LAD1: variants seen among roughly 807,000 people sequenced by gnomAD.
LAD1 encodes the protein ladinin 1.
In LAD1, 53 loss-of-function variants were observed where a neutral mutation model predicts 54.2. That is an observed-to-expected ratio of 0.98 (90% CI 0.78 to 1.23). The LOEUF is 1.23. LAD1 is among the 50% of genes most tolerant of loss of function. LAD1 has a pLI of 0.00. For synonymous variants in LAD1, 231 were observed against 257.7 expected (o/e 0.90, Z 0.99); for missense variants, 637 against 653.3 (o/e 0.98, Z 0.27).
intron 7 of LAD1, 104 bp downstream of exon 7, chr1:201,382,970 T>C: frequency 7.3e-7 from 1 of 1,361,328 alleles, no homozygotes; most frequent in Non-Finnish European, 1.0e-6. Context: ...CAACATTAAT[T>C]GACACATGAA....
chr1:201,386,620 C>T lies in LAD1; in HGVS notation c.741G>A (p.Met247Ile). The T allele has an allele frequency of 6.2e-7, 1 of 1,614,176 alleles. No homozygotes were observed. The change falls in exon 3 of 10, where the codon ATG becomes ATA. Residue 247 changes from methionine to isoleucine, a missense_variant. Physicochemically the swap from Met to Ile is conservative, Grantham distance 10. Coordinates refer to ENST00000391967, the MANE Select transcript of LAD1 (RefSeq NM_005558.4). ...SVSEKSLAPG[M>I]ALGSGRRLVS... ...CCAGCCTCCTTCCTGAGCCCAGTGCCATCCCTGGGGCCAGCGACTTCTCAG... is the reference window on the plus strand; with the variant it reads ...CCAGCCTCCTTCCTGAGCCCAGTGCTATCCCTGGGGCCAGCGACTTCTCAG...
intron 7 of LAD1, 98 bp from the exon 8 acceptor site, chr1:201,382,837 C>T (rs2102354519): frequency 3.0e-6 from 3 of 1,012,548 alleles, no homozygotes; most frequent in South Asian, 2.9e-5. Flanking sequence ...CCTCACTCCC[C>T]TATGCATCCA....
intron 2 of LAD1, among the ~76,000 whole-genome samples, chr1:201,388,932 G>A (rs915515389): frequency 6.6e-5 from 10 of 152,224 alleles, no homozygotes; most frequent in African/African-American, 2.4e-4. Context: ...AAAATGTCCA[G>A]CACAGTATTG....
At chr1:201,398,207 T>C (rs574828976) in intron 1 of LAD1, among the ~76,000 whole-genome samples, 66 of 152,194 alleles carry the variant, frequency 4.3e-4, no homozygotes, top group Non-Finnish European at 6.6e-4. Flanking sequence ...GTAGAGGACA[T>C]ACTAGAGCAC....
At chr1:201,393,665 G>C (rs931555403) in intron 1 of LAD1, among the ~76,000 whole-genome samples, 2 of 150,428 alleles carry the variant, frequency 1.3e-5, no homozygotes, top group Non-Finnish European at 2.9e-5. Context: ...AAAATGGCTA[G>C]AATCCAGGAG....
intron 4 of LAD1, 70 bp from the exon 5 acceptor site, chr1:201,384,905 G>A: frequency 6.8e-7 from 1 of 1,476,840 alleles, no homozygotes; most frequent in Non-Finnish European, 9.4e-7. Context: ...CGAGTGAGGA[G>A]CCCAGCTCTC....
rs1421431270 is a variant in LAD1 at position 201,383,092 on chromosome 1, T to C, written c.1368A>G (p.Glu456=). 6.2e-7 allele frequency: 1 copy of C among 1,613,542 alleles called. No homozygotes were observed. The highest frequency in any genetic ancestry group is 1.7e-5 in the Admixed American group (1 of 59,988). The part of the protein sequence containing the change: ...EKELAGQSRA[E]PASSRKENLR... The stretch of plus-strand genomic sequence containing the variant: ...CCCTCACCTTCCGGCTGGAGGCTGG[T>C]TCTGCTCGGCTCTGGCCCGCCAGTT... Residue 456 remains glutamate (E), a synonymous_variant, in exon 7 of 10, where the codon GAA becomes GAG. Transcript: ENST00000391967.
Position 201,387,054 on chromosome 1 carries a change from C to G in LAD1, c.307G>C (p.Glu103Gln). 2 of 1,612,262 alleles carry G rather than the reference C, an allele frequency of 1.2e-6. No homozygotes were observed. Among genetic ancestry groups the G allele is most frequent in the Non-Finnish European group, 1.7e-6 (2 of 1,179,292 alleles). ...QERRQRRQVV[E>Q]AAQAPIQERL... ...TCCTGGATGGGGGCCTGTGCAGCCTCCACCACCTGCCGCCTCTGCCTCCGC... is the reference window on the plus strand; with the variant it reads ...TCCTGGATGGGGGCCTGTGCAGCCTGCACCACCTGCCGCCTCTGCCTCCGC... The change falls in exon 3 of 10, where the codon GAG becomes CAG. Residue 103 changes from glutamate to glutamine, a missense_variant. Glu to Gln is a conservative substitution (Grantham distance 29). Transcript: ENST00000391967.
chr1:201,394,009 G>C (rs1662242710), intron 1 of LAD1, among the ~76,000 whole-genome samples: 1 of 152,106 alleles, frequency 6.6e-6, no homozygotes, highest in Non-Finnish European at 1.5e-5. Flanking sequence ...CCAGGAGTTT[G>C]AGACCAGCTT....
intron 5 of LAD1, 25 bp from the exon 6 acceptor site, chr1:201,383,414 C>T (rs371956834): frequency 1.2e-4 from 186 of 1,612,218 alleles, no homozygotes; most frequent in Non-Finnish European, 1.5e-4. Context: ...ATGGAACAGG[C>T]GAGCCAAGTG....
chr1:201,399,185 G>A (rs1571727560), intron 1 of LAD1, 84 bp downstream of exon 1: 1 of 1,134,892 alleles, frequency 8.8e-7, no homozygotes, highest in Non-Finnish European at 1.3e-6. Flanking sequence ...GTCCCAGGCG[G>A]GGAGGAGGCC....
At chr1:201,393,739 C>T (rs151059968) in intron 1 of LAD1, among the ~76,000 whole-genome samples, 3,552 of 126,954 alleles carry the variant, frequency 0.028, 74 homozygotes, top group Middle Eastern at 0.055. Context: ...AAGTAAGACT[C>T]CATCTCAAAA....
intron 1 of LAD1, among the ~76,000 whole-genome samples, chr1:201,390,601 G>A (rs892566987): frequency 6.6e-6 from 1 of 152,162 alleles, no homozygotes; most frequent in Non-Finnish European, 1.5e-5. Flanking sequence ...TAAAGCTGCA[G>A]GGCTTTGGAT....
In LAD1 at chr1:201,386,358, G is replaced by T; in HGVS notation, c.1003C>A (p.Arg335Ser). ...ACCTGGAGTGTGACGGGTGGGAGGC[G>T]GGAGGCCACAGTCGGAGGGTCTGAA... is the stretch of plus-strand genomic sequence containing the variant. ...GASDPPTVAS[R>S]LPPVTLQVKI... The change falls in exon 3 of 10, where the codon CGC (arginine) becomes AGC (serine). Residue 335 changes from arginine to serine, a missense_variant. By Grantham distance (110) the Arg-to-Ser change is moderately radical. Transcript: ENST00000391967. The T allele has an allele frequency of 6.7e-7, 1 of 1,485,342 alleles. No individual in the cohort carries two copies. The highest frequency in any genetic ancestry group is 2.4e-5 in the East Asian group (1 of 42,324). 92.0% of individuals were successfully genotyped at this position (1,485,342 alleles called of 1,614,324 possible). A position where few individuals can be genotyped will look rare whatever the true frequency, so the allele number is the denominator to read the frequency against.
intron 1 of LAD1, among the ~76,000 whole-genome samples, chr1:201,393,948 C>T (rs1054465880): frequency 6.1e-5 from 9 of 148,090 alleles, no homozygotes; most frequent in African/African-American, 1.8e-4. Flanking sequence ...TGGTGGCTCA[C>T]GCCTGTAATC....
chr1:201,383,347 C>A lies in LAD1; in HGVS notation c.1218G>T (p.Glu406Asp). 1 of 1,614,084 alleles carries A rather than the reference C, an allele frequency of 6.2e-7. No individual in the cohort carries two copies. The highest frequency in any genetic ancestry group is 8.5e-7 in the Non-Finnish European group (1 of 1,180,020). ...KLPDNTVKLG[E>D]KLERYHTAIR... The stretch of plus-strand genomic sequence containing the variant: ...TGGCCGTGTGGTATCTCTCCAGCTT[C>A]TCTCCCAACTTCACTGTGTTGTCTG... Residue 406 changes from glutamate (E) to aspartate (D), a missense_variant, in exon 6 of 10, where the codon GAG becomes GAT. Physicochemically the swap from Glu to Asp is conservative, Grantham distance 45. Coordinates refer to ENST00000391967, the MANE Select transcript of LAD1 (RefSeq NM_005558.4).
rs202012282 is a variant in LAD1, at chr1:201,385,746, G to A, written c.1086C>T (p.Tyr362=). The A allele has an allele frequency of 1.3e-4, 204 of 1,614,178 alleles. 1 individual carries two copies. The South Asian group carries it at 2.2e-3, about 17-fold the overall frequency. The change falls in exon 4 of 10, where the codon TAC becomes TAT. Residue 362 remains tyrosine, a synonymous_variant. Coordinates refer to ENST00000391967, the MANE Select transcript of LAD1 (RefSeq NM_005558.4). ...ADMSSPTQRT[Y]SSSLKRSSPR... ...GGCTGGAGCGTTTGAGGGAGCTGCT[G>A]TAGGTTCGCTGTGTGGGTGAGGACA...
rs142674779 is a variant in LAD1, at chr1:201,389,226, G to A, written c.116C>T (p.Ser39Phe). 8.0e-4 allele frequency: 1,286 copies of A among 1,614,204 alleles called. 2 individuals are homozygous for A. The highest frequency in any genetic ancestry group is 9.6e-4 in the Non-Finnish European group (1,138 of 1,180,034). ...CCTGGGAGCCTCATCGTCCGTGGTGGAGCTCAGGTTGCGGTGCCGCCGCCT... is the reference window on the plus strand; with the variant it reads ...CCTGGGAGCCTCATCGTCCGTGGTGAAGCTCAGGTTGCGGTGCCGCCGCCT... ...ERRRRHRNLS[S>F]TTDDEAPRLS... The change falls in exon 2 of 10, where the codon TCC becomes TTC. Residue 39 changes from serine to phenylalanine, a missense_variant. Ser to Phe is a radical substitution (Grantham distance 155, BLOSUM62 -2). Transcript: ENST00000391967.
rs894750531 is a variant in LAD1 at position 201,381,006 on chromosome 1, G to A, written c.*882C>T. On this transcript the variant is annotated 3_prime_UTR_variant, in exon 10 of 10. Coordinates refer to ENST00000391967, the MANE Select transcript of LAD1 (RefSeq NM_005558.4). ...GAGCATGGGGGTGGGGGTTGGAGGG[G>A]GCTTGTGGGGAAGGAGGGTAGGCCT... 3.3e-5 allele frequency: 5 copies of A among 152,016 alleles called. No homozygotes were observed. The highest frequency in any genetic ancestry group is 4.8e-5 in the African/African-American group (2 of 41,336). 9.4% of individuals were successfully genotyped at this position (152,016 alleles called of 1,614,324 possible).
Sources: gnomAD v4.1 joint callset for allele counts (sites outside exome capture counted in the v4.1 genomes callset) on GRCh38, gnomAD v4.1.1 for gene constraint, MANE v1.5 for transcripts, NCBI Gene and HGNC (gene_info 2026-07-23, HGNC 2026-07-21) for gene names.